Variants in TRPM6 observed in about 807,000 individuals in gnomAD.
The protein encoded by TRPM6 is transient receptor potential cation channel subfamily M member 6.
Under a neutral mutation model 247.6 loss-of-function variants are expected in TRPM6, and 111 were observed. The observed-to-expected ratio is 0.45, with a 90% CI of 0.38 to 0.52. TRPM6 has a LOEUF of 0.52. Ranked by LOEUF, TRPM6 falls within the 20% of genes least tolerant of loss-of-function variation. The pLI, the probability that TRPM6 is intolerant of heterozygous loss-of-function variation, is 0.00. For missense variants in TRPM6, 2,126 were observed against 2,421.5 expected (o/e 0.88, Z 2.56); for synonymous variants, 892 against 853.8 (o/e 1.04, Z -0.78).
At chr9:74,878,167 T>C (rs77780957) in intron 1 of TRPM6, among the ~76,000 whole-genome samples, 7,366 of 152,198 alleles carry the variant, frequency 0.048, 243 homozygotes, top group South Asian at 0.079. Context: ...AACACCAGCA[T>C]GGATCACTTG....
intron 9 of TRPM6, among the ~76,000 whole-genome samples, chr9:74,819,159 A>C (rs924552292): frequency 6.6e-6 from 1 of 152,178 alleles, no homozygotes; most frequent in Middle Eastern, 3.4e-3. Flanking sequence ...AAATACAAAA[A>C]TTAGCCAGGC....
At chr9:74,861,981 C>G (rs915393025) in intron 1 of TRPM6, among the ~76,000 whole-genome samples, 12 of 150,762 alleles carry the variant, frequency 8.0e-5, no homozygotes, top group African/African-American at 2.9e-4. Context: ...AATAGAACTT[C>G]AGGAACCCAT....
chr9:74,887,799 C>G (rs200242344), intron 1 of TRPM6, 25 bp downstream of exon 1: 21 of 1,614,038 alleles, frequency 1.3e-5, no homozygotes, highest in Non-Finnish European at 1.6e-5. Flanking sequence ...CCTTGTTCCC[C>G]GCCAGTCGAG....
intron 25 of TRPM6, among the ~76,000 whole-genome samples, chr9:74,769,714 C>A (rs1025497010): frequency 2.1e-5 from 3 of 146,194 alleles, no homozygotes; most frequent in African/African-American, 7.8e-5. Flanking sequence ...GCCAAGATCA[C>A]GCCGTGGCAC....
chr9:74,767,539 G>A (rs912442226), intron 25 of TRPM6, among the ~76,000 whole-genome samples: 1 of 152,016 alleles, frequency 6.6e-6, no homozygotes, highest in Non-Finnish European at 1.5e-5. Flanking sequence ...AGTTACCTCA[G>A]GAAATATTCT....
At chr9:74,770,188 C>A (rs1159218581) in intron 25 of TRPM6, among the ~76,000 whole-genome samples, 7 of 151,968 alleles carry the variant, frequency 4.6e-5, no homozygotes, top group Admixed American at 4.6e-4. Context: ...ATGACTTATG[C>A]CCATAGTGAA....
intron 23 of TRPM6, among the ~76,000 whole-genome samples, chr9:74,779,462 A>C (rs114280378): frequency 6.6e-6 from 1 of 152,142 alleles, no homozygotes. Context: ...CACAGCAGTC[A>C]CTTTTTTTTT....
chr9:74,786,994 T>C (rs1398691936), intron 20 of TRPM6, among the ~76,000 whole-genome samples: 1 of 151,834 alleles, frequency 6.6e-6, no homozygotes, highest in African/African-American at 2.4e-5. Flanking sequence ...AGGTCAGGAG[T>C]TCGAGACCAG....
chr9:74,880,547 GA>G (rs138641839), intron 1 of TRPM6, among the ~76,000 whole-genome samples: 3 of 149,954 alleles, frequency 2.0e-5, no homozygotes, highest in African/African-American at 4.9e-5. Flanking sequence ...TCAAAATACC[GA>G]AAAAAAAAGC....
Position 74,843,439 on chromosome 9 carries a change from G to C in TRPM6, c.153-1096C>G, listed in dbSNP as rs922875178. Reference sequence around the variant, plus strand: ...GTGAATCCTTTCCAGAAAGTTTTCAGTTTACTTTGTCCAGATCCATCAGAG... The same window carrying C: ...GTGAATCCTTTCCAGAAAGTTTTCACTTTACTTTGTCCAGATCCATCAGAG... On this transcript the variant is annotated intron_variant, in intron 3 of 38. Coordinates refer to ENST00000360774, the MANE Select transcript of TRPM6 (RefSeq NM_017662.5). Among the ~76,000 whole-genome samples, 3 of 152,096 alleles carry C rather than the reference G, an allele frequency of 2.0e-5. No homozygotes were observed. The East Asian group carries it at 5.8e-4, about 29-fold the overall frequency.
At position 74,724,570 on chromosome 9, in the gene TRPM6, T is replaced by A; in HGVS notation, c.*43A>T. On this transcript the variant is annotated 3_prime_UTR_variant, in exon 39 of 39. Transcript: ENST00000360774. ...TCAATCTATGTTATCACAGAGTTCC[T>A]GGCAGGCAGGGCAAGCACTGGGATC... 1 of 1,613,748 alleles carries A rather than the reference T, an allele frequency of 6.2e-7. No individual in the cohort carries two copies. The highest frequency in any genetic ancestry group is 8.5e-7 in the Non-Finnish European group (1 of 1,179,898).
chr9:74,821,236 G>T (rs1201560468), intron 8 of TRPM6, among the ~76,000 whole-genome samples: 1 of 152,114 alleles, frequency 6.6e-6, no homozygotes, highest in Non-Finnish European at 1.5e-5. Context: ...CCTGAAATAA[G>T]CACGACATAT....
chr9:74,745,642 T>C (rs187981668), intron 31 of TRPM6, among the ~76,000 whole-genome samples: 178 of 152,220 alleles, frequency 1.2e-3, no homozygotes, highest in African/African-American at 4.2e-3. Context: ...ATTCCAGTGA[T>C]AAGTAACAGC....
intron 30 of TRPM6, 102 bp downstream of exon 30, chr9:74,750,562 T>G (rs1826209889): frequency 9.7e-7 from 1 of 1,029,038 alleles, no homozygotes; most frequent in Non-Finnish European, 1.5e-6. Context: ...TGACACACAC[T>G]TCTTTTCTCT....
chr9:74,884,633 G>T lies in TRPM6; in HGVS notation c.33+3191C>A, dbSNP rs187472534. 3.1e-3 allele frequency among the ~76,000 whole-genome samples: 475 copies of T among 152,052 alleles called. 3 individuals are homozygous for T. The highest frequency in any genetic ancestry group is 0.011 in the African/African-American group (449 of 41,450). On this transcript the variant is annotated intron_variant, in intron 1 of 38. Transcript: ENST00000360774. The stretch of plus-strand genomic sequence containing the variant: ...GGGGGAGTAGTTGAGGGGTAGAAAG[G>T]GAACTTTCTATTTGGATTTCTATTT...
intron 28 of TRPM6, among the ~76,000 whole-genome samples, chr9:74,753,398 A>G (rs953048055): frequency 2.0e-5 from 3 of 152,164 alleles, no homozygotes; most frequent in Admixed American, 6.5e-5. Context: ...AGTATAAAAA[A>G]TACTATTTGA....
chr9:74,821,664 C>A lies in TRPM6; in HGVS notation c.1010+5G>T. Reference sequence around the variant, plus strand: ...AGTTTCAAAAAAGAAGAGCCAACAACTCACCCTTCATCTGCCAGGTGTTTG... The same window carrying A: ...AGTTTCAAAAAAGAAGAGCCAACAAATCACCCTTCATCTGCCAGGTGTTTG... On this transcript the variant is annotated splice_donor_5th_base_variant and intron_variant, in intron 8 of 38. Coordinates refer to ENST00000360774, the MANE Select transcript of TRPM6 (RefSeq NM_017662.5). 6.2e-7 allele frequency: 1 copy of A among 1,614,214 alleles called. No homozygotes were observed. Among genetic ancestry groups the A allele is most frequent in the Non-Finnish European group, 8.5e-7 (1 of 1,180,036 alleles).
At chr9:74,850,280 G>A (rs184462965) in intron 3 of TRPM6, among the ~76,000 whole-genome samples, 153 of 152,246 alleles carry the variant, frequency 1.0e-3, no homozygotes, top group Non-Finnish European at 5.3e-4. Context: ...GCTGAAGCAC[G>A]AGAATCGCTT....
chr9:74,871,059 A>G (rs1831012607), intron 1 of TRPM6, among the ~76,000 whole-genome samples: 1 of 152,244 alleles, frequency 6.6e-6, no homozygotes, highest in Non-Finnish European at 1.5e-5. Context: ...AAATTGCCAC[A>G]TAGCAAAAAA....
Sources: gnomAD v4.1 joint callset for allele counts (sites outside exome capture counted in the v4.1 genomes callset) on GRCh38, gnomAD v4.1.1 for gene constraint, MANE v1.5 for transcripts, NCBI Gene and HGNC (gene_info 2026-07-23, HGNC 2026-07-21) for gene names.